The following KIF4A variants were observed in gnomAD, a reference collection of about 807,000 sequenced individuals.
The protein encoded by KIF4A is chromosome-associated kinesin KIF4A.
A neutral mutation model predicts 105.9 loss-of-function variants in KIF4A; 7 were observed. That is an observed-to-expected ratio of 0.07 (90% confidence interval 0.04 to 0.12). The LOEUF (loss-of-function observed/expected upper bound fraction) is 0.12, where lower values mean the gene tolerates loss of function less well. KIF4A is among the 10% of genes least tolerant of loss of function. The pLI is 1.00. For missense variants in KIF4A, 558 were observed against 929.2 expected (o/e 0.60, Z 5.19); for synonymous variants, 281 against 331.3 (o/e 0.85, Z 1.65).
At chrX:70,364,980 A>G (rs1355300328) in intron 15 of KIF4A, among the ~76,000 whole-genome samples, 1 of 111,184 alleles carries the variant, frequency 9.0e-6, no homozygotes, top group Admixed American at 9.6e-5. Context: ...TTGGATTCCT[A>G]GGTATTTTAT....
intron 22 of KIF4A, among the ~76,000 whole-genome samples, chrX:70,397,763 G>A (rs192403262): frequency 8.9e-6 from 1 of 111,996 alleles, no homozygotes; most frequent in East Asian, 2.8e-4. Context: ...ACTTTATCTT[G>A]GGATACATCT....
intron 7 of KIF4A, among the ~76,000 whole-genome samples, chrX:70,314,759 A>C (rs1399817508): frequency 1.8e-5 from 2 of 111,261 alleles, no homozygotes; most frequent in African/African-American, 6.5e-5. Flanking sequence ...AGGGTAAATG[A>C]GTCAATAAGA....
At chrX:70,350,034 C>G (rs1199450) in intron 13 of KIF4A, among the ~76,000 whole-genome samples, 5,668 of 101,981 alleles carry the variant, frequency 0.056, 2 homozygotes, top group African/African-American at 0.17. Context: ...CTCCTCACAT[C>G]CCAGACAATG....
rs753051395 is a variant in KIF4A at position 70,363,110 on chromosome X, T to A, written c.1674+9303T>A. Among the ~76,000 whole-genome samples the A allele has an allele frequency of 2.7e-5, 3 of 111,108 alleles. No individual in the cohort carries two copies. In the East Asian group the frequency reaches 8.5e-4, roughly 31 times the overall value. ...TGCCAAAGAAAAATAGGGGGAGGGA[T>A]AGGTTCTGATTAATGAAGATTACCA... On this transcript the variant is annotated intron_variant, in intron 15 of 30. Coordinates refer to ENST00000374403, the MANE Select transcript of KIF4A (RefSeq NM_012310.5).
chrX:70,372,429 T>G (rs760229474), intron 15 of KIF4A, among the ~76,000 whole-genome samples: 2 of 112,944 alleles, frequency 1.8e-5, no homozygotes, highest in East Asian at 5.6e-4. Context: ...TCACTCACGG[T>G]TAGGAGCTGG....
intron 5 of KIF4A, among the ~76,000 whole-genome samples, chrX:70,300,946 T>C (rs1224451845): frequency 9.0e-6 from 1 of 111,369 alleles, no homozygotes; most frequent in Non-Finnish European, 1.9e-5. Flanking sequence ...GAAAGACCAG[T>C]TGGGGAAACT....
intron 7 of KIF4A, among the ~76,000 whole-genome samples, chrX:70,323,484 A>G (rs2085899493): frequency 9.0e-6 from 1 of 111,056 alleles, no homozygotes; most frequent in Non-Finnish European, 1.9e-5. Context: ...ACTCCTACTA[A>G]TATTTCAATT....
chrX:70,417,367 C>T lies in KIF4A; in HGVS notation c.3256-521C>T, dbSNP rs1025607848. 3.6e-5 allele frequency among the ~76,000 whole-genome samples: 4 copies of T among 111,650 alleles called. No individual in the cohort carries two copies. The East Asian group carries it at 8.4e-4, about 23-fold the overall frequency. On this transcript the variant is annotated intron_variant, in intron 28 of 30. Coordinates refer to ENST00000374403, the MANE Select transcript of KIF4A (RefSeq NM_012310.5). ...AAAAATACAAAAATTAGCCAGGTGG[C>T]CAGGCACGGTGGCTCACACCTGTAA...
intron 13 of KIF4A, among the ~76,000 whole-genome samples, chrX:70,352,003 C>G (rs1343271211): frequency 8.9e-6 from 1 of 111,972 alleles, no homozygotes; most frequent in African/African-American, 3.2e-5. Context: ...TCTTGACCTG[C>G]CTGCCTTGGC....
At chrX:70,376,690 G>A (rs1049692521) in intron 18 of KIF4A, among the ~76,000 whole-genome samples, 1 of 111,962 alleles carries the variant, frequency 8.9e-6, no homozygotes, top group Non-Finnish European at 1.9e-5. Flanking sequence ...TTCAAGGAAT[G>A]GCAAGTGGTC....
chrX:70,365,611 T>G (rs1233336874), intron 15 of KIF4A, among the ~76,000 whole-genome samples: 2 of 111,665 alleles, frequency 1.8e-5, no homozygotes, highest in African/African-American at 6.5e-5. Flanking sequence ...TCATGGCGGA[T>G]AAGCTTTTTG....
intron 22 of KIF4A, among the ~76,000 whole-genome samples, chrX:70,399,875 A>G (rs1418788874): frequency 2.0e-5 from 2 of 97,733 alleles, no homozygotes; most frequent in Admixed American, 1.1e-4. Flanking sequence ...TGGGTGCAGC[A>G]CACCAGCATG....
rs750793242 is a variant in KIF4A at position 70,374,273 on chromosome X, A to C, written c.1778+19A>C. 10 of 1,066,625 alleles carry C rather than the reference A, an allele frequency of 9.4e-6. 1 individual carries two copies. The South Asian group carries it at 1.6e-4, about 17-fold the overall frequency. The allele number at this position is 1,066,625 out of a possible 1,213,427, so 87.9% of individuals were successfully genotyped here. A position where few individuals can be genotyped will look rare whatever the true frequency, so the allele number is the denominator to read the frequency against. On this transcript the variant is annotated intron_variant, in intron 16 of 30. Transcript: ENST00000374403. ...AAGCCAAGTAAGAATAAAGTTAATA[A>C]ATGTTATTTCAAGTCCCTACTATGT...
chrX:70,386,649 T>G lies in KIF4A; in HGVS notation c.2066T>G (p.Leu689Arg), dbSNP rs1212881463. The G allele has an allele frequency of 8.3e-7, 1 of 1,210,659 alleles. No individual in the cohort carries two copies. Among genetic ancestry groups the G allele is most frequent in the Admixed American group, 2.2e-5 (1 of 46,045 alleles). The change falls in exon 19 of 31, where the codon CTT becomes CGT. Residue 689 changes from leucine to arginine, a missense_variant. By Grantham distance (102) the Leu-to-Arg change is moderately radical (BLOSUM62 -2). Around this residue, in one of 2 missense-constraint regions of KIF4A, gnomAD observed 469 missense variants for 680.4 expected, o/e 0.69. Coordinates refer to ENST00000374403, the MANE Select transcript of KIF4A (RefSeq NM_012310.5). The stretch of plus-strand genomic sequence containing the variant: ...AAGAGGCAATATGAGCTGCTGAAAC[T>G]TGAAAGAAACTTCCAGAAACAATCC... ...DRKRQYELLK[L>R]ERNFQKQSNV...
intron 9 of KIF4A, among the ~76,000 whole-genome samples, chrX:70,331,473 A>C (rs183148682): frequency 9.0e-6 from 1 of 111,710 alleles, no homozygotes; most frequent in African/African-American, 3.3e-5. Context: ...TAGTATATTA[A>C]ATGTGCAATA....
At chrX:70,376,061 G>A (rs774748517) in intron 17 of KIF4A, 39 bp from the exon 18 acceptor site, 10 of 946,348 alleles carry the variant, frequency 1.1e-5, no homozygotes, top group Non-Finnish European at 1.5e-5. Flanking sequence ...AGAATAAACT[G>A]CAGATGACTA....
At chrX:70,296,584 A>G (rs769034048) in intron 3 of KIF4A, among the ~76,000 whole-genome samples, 35 of 112,700 alleles carry the variant, frequency 3.1e-4, no homozygotes, top group African/African-American at 7.4e-4. Context: ...CTGTTAATCA[A>G]GAAAATACAT....
chrX:70,389,600 G>A (rs1348901382), intron 20 of KIF4A, among the ~76,000 whole-genome samples: 2 of 112,409 alleles, frequency 1.8e-5, no homozygotes, highest in Non-Finnish European at 1.9e-5. Context: ...ACCCATGGTC[G>A]CTAAGATTTC....
intron 5 of KIF4A, among the ~76,000 whole-genome samples, 163 bp downstream of exon 5, chrX:70,299,365 G>T: frequency 9.1e-6 from 1 of 109,869 alleles, no homozygotes; most frequent in East Asian, 2.8e-4. Flanking sequence ...TTCTAGGTGG[G>T]AGCTCTTGTG....
Sources: gnomAD v4.1 joint callset for allele counts (sites outside exome capture counted in the v4.1 genomes callset) on GRCh38, gnomAD v4.1.1 for gene constraint, gnomAD v4.1.1 regional missense constraint, MANE v1.5 for transcripts, NCBI Gene and HGNC (gene_info 2026-07-23, HGNC 2026-07-21) for gene names.